Variants in HMCN2 observed in about 807,000 individuals in gnomAD.
HMCN2 encodes hemicentin-2.
In HMCN2, 325 loss-of-function variants were observed where a neutral mutation model predicts 377.5. The observed-to-expected ratio is 0.86, with a 90% CI of 0.79 to 0.94. The LOEUF (loss-of-function observed/expected upper bound fraction) is 0.94, where lower values mean the gene tolerates loss of function less well. Ranked by LOEUF, HMCN2 falls within the 40% of genes least tolerant of loss-of-function variation. The pLI, the probability that HMCN2 is intolerant of heterozygous loss-of-function variation, is 0.00. For synonymous variants in HMCN2, 2,007 were observed against 2,046.8 expected (o/e 0.98, Z 0.53); for missense variants, 4,543 against 4,725.3 (o/e 0.96, Z 1.13).
chr9:130,382,774 A>T lies in HMCN2; in HGVS notation c.8641A>T (p.Asn2881Tyr). 1.0e-6 allele frequency: 1 copy of T among 985,804 alleles called. No homozygotes were observed. The highest frequency in any genetic ancestry group is 1.2e-6 in the Non-Finnish European group (1 of 829,884). 61.1% of individuals were successfully genotyped at this position (985,804 alleles called of 1,614,324 possible). Residue 2881 changes from asparagine (N) to tyrosine (Y), a missense_variant, in exon 56 of 98, where the codon AAC becomes TAC. Physicochemically the swap from Asn to Tyr is moderately radical, Grantham distance 143. Transcript: ENST00000683500. ...TVSLQCPALG[N>Y]PVPTISWLQN... The stretch of plus-strand genomic sequence containing the variant: ...CAGCCTGCAGTGCCCGGCCCTGGGA[A>T]ACCCCGTGCCCACCATCTCATGGCT...
chr9:130,429,501 G>A (rs1377423578), intron 93 of HMCN2, 56 bp from the exon 94 acceptor site: 2 of 1,545,702 alleles, frequency 1.3e-6, no homozygotes, highest in Admixed American at 2.0e-5. Flanking sequence ...TCCGTCCCTT[G>A]GGGGAGGGGC....
At chr9:130,312,703 T>TTGCCCAGGCTGGAG (rs1317047391) in intron 15 of HMCN2, among the ~76,000 whole-genome samples, 3 of 149,860 alleles carry the variant, frequency 2.0e-5, no homozygotes, top group African/African-American at 4.9e-5. Context: ...TCTCGCTCTG[T>TTGCCCAGGCTGGAG]TGCCCAGGCT....
chr9:130,368,822 A>G (rs536134784), intron 44 of HMCN2, among the ~76,000 whole-genome samples: 1 of 152,256 alleles, frequency 6.6e-6, no homozygotes, highest in African/African-American at 2.4e-5. Context: ...CTCGCTATCA[A>G]TCACAAGAAC....
Position 130,393,174 on chromosome 9 carries a change from C to T in HMCN2, c.10137-38C>T, listed in dbSNP as rs1360650556. On this transcript the variant is annotated intron_variant, in intron 66 of 97. Transcript: ENST00000683500. This position sits in a 1 kb window ranked among gnomAD's most constrained non-coding sequence, Gnocchi z 5.2. ...TCTCTTCCTCTCTCTCTCTCCCTTT[C>T]TCTTGTCTCCTTCTCCCTCTCCTCT... The T allele has an allele frequency of 6.1e-6, 6 of 980,028 alleles. No individual in the cohort carries two copies. In the South Asian group the frequency reaches 1.4e-4, roughly 23 times the overall value. 60.7% of individuals were successfully genotyped at this position (980,028 alleles called of 1,614,324 possible). A position where few individuals can be genotyped will look rare whatever the true frequency, so the allele number is the denominator to read the frequency against.
chr9:130,405,685 C>A (rs1009257572), intron 81 of HMCN2, among the ~76,000 whole-genome samples: 13 of 152,248 alleles, frequency 8.5e-5, no homozygotes, highest in African/African-American at 3.1e-4. Flanking sequence ...GTTCTGAGGA[C>A]AGGGCAGCAC....
chr9:130,341,812 G>T (rs1438641629), intron 24 of HMCN2, among the ~76,000 whole-genome samples: 6 of 152,226 alleles, frequency 3.9e-5, no homozygotes, highest in African/African-American at 7.2e-5. Flanking sequence ...ATGTGAGAGA[G>T]TGTGTGAAGC....
intron 19 of HMCN2, among the ~76,000 whole-genome samples, chr9:130,323,239 G>A (rs1837945046): frequency 1.3e-5 from 2 of 152,134 alleles, no homozygotes; most frequent in Non-Finnish European, 2.9e-5. Context: ...TGGCTGTGGC[G>A]ACCTGGGAGT....
At chr9:130,317,202 C>A (rs1837606535) in intron 15 of HMCN2, among the ~76,000 whole-genome samples, 1 of 152,138 alleles carries the variant, frequency 6.6e-6, no homozygotes, top group Admixed American at 6.5e-5. Flanking sequence ...TGATCTTAGC[C>A]CTGCCACTGG....
At chr9:130,396,454 C>A in intron 73 of HMCN2, 141 bp downstream of exon 73, 2 of 606,112 alleles carry the variant, frequency 3.3e-6, no homozygotes, top group Non-Finnish European at 4.9e-6. Flanking sequence ...AAGGACAGGC[C>A]CACCACTCAT....
At chr9:130,290,766 A>T (rs1554929769) in intron 4 of HMCN2, among the ~76,000 whole-genome samples, 1 of 151,880 alleles carries the variant, frequency 6.6e-6, no homozygotes. Flanking sequence ...AGCTCCAATT[A>T]TAAAAACAGA....
At chr9:130,287,179 C>T (rs975690333) in intron 4 of HMCN2, among the ~76,000 whole-genome samples, 9 of 152,194 alleles carry the variant, frequency 5.9e-5, no homozygotes, top group Non-Finnish European at 1.2e-4. Context: ...AGGCACCTCT[C>T]ACCGCCAGGT....
Position 130,428,310 on chromosome 9 carries a change from C to A in HMCN2, c.14066-48C>A. On this transcript the variant is annotated intron_variant, in intron 92 of 97. Coordinates refer to ENST00000683500, the MANE Select transcript of HMCN2 (RefSeq NM_001291815.2). The surrounding 1 kb of genome is among the most constrained non-coding windows in gnomAD (Gnocchi z 5.0). Reference sequence around the variant, plus strand: ...CGGGCCAGGGTCAGGTGGCGAGGCACGCCTGGGGATCATGTTCACACAGCC... The same window carrying A: ...CGGGCCAGGGTCAGGTGGCGAGGCAAGCCTGGGGATCATGTTCACACAGCC... 2 of 1,484,184 alleles carry A rather than the reference C, an allele frequency of 1.3e-6. No individual in the cohort carries two copies. Among genetic ancestry groups the A allele is most frequent in the South Asian group, 2.7e-5 (2 of 74,442 alleles). The allele number at this position is 1,484,184 out of a possible 1,614,324, so 91.9% of individuals were successfully genotyped here.
At chr9:130,350,625 G>A (rs921489640) in intron 29 of HMCN2, among the ~76,000 whole-genome samples, 3 of 151,880 alleles carry the variant, frequency 2.0e-5, no homozygotes, top group South Asian at 2.1e-4. Context: ...AGTGGCTCAC[G>A]CCTGTAATCC....
chr9:130,414,756 C>G lies in HMCN2; in HGVS notation c.12962-4016C>G, dbSNP rs1243136523. On this transcript the variant is annotated intron_variant, in intron 85 of 97. Coordinates refer to ENST00000683500, the MANE Select transcript of HMCN2 (RefSeq NM_001291815.2). The surrounding 1 kb of genome is among the most constrained non-coding windows in gnomAD (Gnocchi z 4.4). ...TAGCTGGGACTGCAGGCACGTGCCA[C>G]CACACCCGGCTAATTTTTATTTTTA... Among the ~76,000 whole-genome samples the G allele has an allele frequency of 6.6e-6, 1 of 152,066 alleles. No homozygotes were observed. Among genetic ancestry groups the G allele is most frequent in the East Asian group, 1.9e-4 (1 of 5,190 alleles).
In HMCN2 at chr9:130,359,192, G is replaced by C. The variant is rs551578992; in HGVS notation, c.5678-127G>C. On this transcript the variant is annotated intron_variant, in intron 36 of 97. Coordinates refer to ENST00000683500, the MANE Select transcript of HMCN2 (RefSeq NM_001291815.2). Reference sequence around the variant, plus strand: ...GAGGTTGCTTAGTCTGAGGACATGAGCTGTTTTAGAGCCCTTAGTCTAGGA... The same window carrying C: ...GAGGTTGCTTAGTCTGAGGACATGACCTGTTTTAGAGCCCTTAGTCTAGGA... 4.3e-4 allele frequency: 155 copies of C among 357,036 alleles called. 2 individuals carry two copies. The highest frequency in any genetic ancestry group is 3.2e-3 in the South Asian group (127 of 40,258). 22.1% of individuals were successfully genotyped at this position (357,036 alleles called of 1,614,324 possible).
chr9:130,431,343 G>T, intron 95 of HMCN2, 24 bp from the exon 96 acceptor site: 2 of 1,543,044 alleles, frequency 1.3e-6, no homozygotes, highest in Non-Finnish European at 1.7e-6. Flanking sequence ...TCCCCCACCT[G>T]CCCCACCCCC....
chr9:130,413,185 C>A (rs1463487525), intron 85 of HMCN2, among the ~76,000 whole-genome samples: 6 of 152,170 alleles, frequency 3.9e-5, no homozygotes, highest in Non-Finnish European at 5.9e-5. Context: ...GAATTGATAT[C>A]ATATCATCTA....
intron 1 of HMCN2, among the ~76,000 whole-genome samples, 172 bp downstream of exon 1, chr9:130,266,309 CT>C (rs2131193276): frequency 6.6e-6 from 1 of 152,328 alleles, no homozygotes; most frequent in African/African-American, 2.4e-5. Context: ...CTGGGCAGTC[CT>C]TGCAGCTGTC....
chr9:130,386,599 G>C, intron 61 of HMCN2, 75 bp downstream of exon 61: 1 of 991,728 alleles, frequency 1.0e-6, no homozygotes, highest in Non-Finnish European at 1.4e-6. Flanking sequence ...GGAGGACAAA[G>C]ACAATAGCTG....
Sources: allele counts gnomAD v4.1 joint callset (sites outside exome capture counted in the v4.1 genomes callset), GRCh38; gene constraint gnomAD v4.1.1; non-coding constraint Gnocchi (gnomAD v3.1); transcripts MANE v1.5; gene names NCBI Gene and HGNC (gene_info 2026-07-23, HGNC 2026-07-21).